The following CTNNA3 variants were observed in gnomAD, a reference collection of about 807,000 sequenced individuals.
The protein encoded by CTNNA3 is catenin alpha 3.
Under a neutral mutation model 95.7 loss-of-function variants are expected in CTNNA3, and 76 were observed. That is an observed-to-expected ratio of 0.79 (90% CI 0.66 to 0.96). The LOEUF (loss-of-function observed/expected upper bound fraction) is 0.96. Among genes scored for constraint, CTNNA3 ranks in the 40% least tolerant of loss-of-function variants. The probability of loss-of-function intolerance (pLI) is 0.00; values close to 1 mark genes in which losing one functional copy is unlikely to be tolerated. For missense variants in CTNNA3, 1,191 were observed against 1,089.8 expected (o/e 1.09, Z -1.31); for synonymous variants, 431 against 374.4 (o/e 1.15, Z -1.74).
chr10:66,571,525 C>G (rs911111462), intron 10 of CTNNA3, among the ~76,000 whole-genome samples: 1 of 152,118 alleles, frequency 6.6e-6, no homozygotes, highest in East Asian at 1.9e-4. Flanking sequence ...AGTTATGGAC[C>G]TCTGACTCAT....
chr10:66,450,038 T>C (rs1261092441), intron 11 of CTNNA3, among the ~76,000 whole-genome samples: 2 of 152,050 alleles, frequency 1.3e-5, no homozygotes, highest in African/African-American at 4.8e-5. Flanking sequence ...GTTTCAATAA[T>C]TATTTTTTTA....
At chr10:67,466,802 T>C (rs1847611171) in intron 5 of CTNNA3, among the ~76,000 whole-genome samples, 1 of 152,222 alleles carries the variant, frequency 6.6e-6, no homozygotes, top group Non-Finnish European at 1.5e-5. Context: ...TTGTACCACT[T>C]TCCCACTGAT....
At chr10:67,635,000 AATAT>A (rs1839258944) in intron 2 of CTNNA3, among the ~76,000 whole-genome samples, 1 of 152,130 alleles carries the variant, frequency 6.6e-6, no homozygotes, top group Non-Finnish European at 1.5e-5. Context: ...AAAACAACAG[AATAT>A]ATATTCTTCT....
At chr10:67,108,203 A>G (rs1341205421) in intron 7 of CTNNA3, among the ~76,000 whole-genome samples, 1 of 152,214 alleles carries the variant, frequency 6.6e-6, no homozygotes, top group Non-Finnish European at 1.5e-5. Context: ...AAAAGTATAA[A>G]TAATTGTCAG....
At chr10:66,968,882 T>C (rs982137062) in intron 7 of CTNNA3, among the ~76,000 whole-genome samples, 1 of 151,904 alleles carries the variant, frequency 6.6e-6, no homozygotes, top group Admixed American at 6.6e-5. Flanking sequence ...CTGGGTGTGG[T>C]GGCATGTGCC....
chr10:67,171,053 TG>T (rs1420811561), intron 7 of CTNNA3, among the ~76,000 whole-genome samples: 1 of 152,238 alleles, frequency 6.6e-6, no homozygotes, highest in African/African-American at 2.4e-5. Context: ...TTTTACTGTA[TG>T]TAGCTACTAG....
At chr10:66,102,199 C>T (rs2081661913) in intron 14 of CTNNA3, among the ~76,000 whole-genome samples, 1 of 152,042 alleles carries the variant, frequency 6.6e-6, no homozygotes, top group African/African-American at 2.4e-5. Flanking sequence ...AATTTTATGT[C>T]ACCGAATTTA....
At chr10:66,237,831 C>A (rs945531116) in intron 13 of CTNNA3, among the ~76,000 whole-genome samples, 1 of 152,010 alleles carries the variant, frequency 6.6e-6, no homozygotes, top group Non-Finnish European at 1.5e-5. Flanking sequence ...CATATCAATG[C>A]TTTGATACTT....
At chr10:66,806,566 A>G (rs2132250486) in intron 7 of CTNNA3, among the ~76,000 whole-genome samples, 1 of 152,102 alleles carries the variant, frequency 6.6e-6, no homozygotes, top group East Asian at 1.9e-4. Context: ...AAAGTGGGTG[A>G]AGGGACCCAA....
chr10:66,437,705 A>G (rs1348470613), intron 11 of CTNNA3, among the ~76,000 whole-genome samples: 1 of 152,106 alleles, frequency 6.6e-6, no homozygotes, highest in Non-Finnish European at 1.5e-5. Context: ...ACTTCTGTCA[A>G]TTCATCAAAC....
At chr10:66,757,829 T>C (rs1400202747) in intron 9 of CTNNA3, among the ~76,000 whole-genome samples, 1 of 152,200 alleles carries the variant, frequency 6.6e-6, no homozygotes, top group African/African-American at 2.4e-5. Context: ...AGCTGATATC[T>C]ACTTTTCCAT....
At chr10:66,885,468 C>T (rs1845009049) in intron 7 of CTNNA3, among the ~76,000 whole-genome samples, 1 of 152,106 alleles carries the variant, frequency 6.6e-6, no homozygotes, top group Non-Finnish European at 1.5e-5. Flanking sequence ...ATTCGCTCTT[C>T]CTTATTTAGG....
intron 14 of CTNNA3, among the ~76,000 whole-genome samples, chr10:66,077,031 C>T (rs917998997): frequency 6.6e-6 from 1 of 151,608 alleles, no homozygotes; most frequent in Non-Finnish European, 1.5e-5. Flanking sequence ...ACGAAGGAAT[C>T]TGTGTATAAA....
chr10:66,849,336 A>T (rs1376231429), intron 7 of CTNNA3, among the ~76,000 whole-genome samples: 1 of 152,210 alleles, frequency 6.6e-6, no homozygotes, highest in African/African-American at 2.4e-5. Flanking sequence ...ATAATATGGT[A>T]GTCAAATCGT....
intron 12 of CTNNA3, among the ~76,000 whole-genome samples, chr10:66,302,877 A>C (rs2091882820): frequency 6.6e-6 from 1 of 152,166 alleles, no homozygotes; most frequent in Admixed American, 6.5e-5. Context: ...TCCATGCCCA[A>C]ATTAGATCCA....
intron 16 of CTNNA3, among the ~76,000 whole-genome samples, chr10:65,967,550 G>C (rs528154628): frequency 6.6e-6 from 1 of 152,112 alleles, no homozygotes; most frequent in East Asian, 1.9e-4. Flanking sequence ...GTACTTAGCT[G>C]TTACAGACAA....
At chr10:67,517,687 C>A (rs1275284057) in intron 5 of CTNNA3, among the ~76,000 whole-genome samples, 1 of 152,110 alleles carries the variant, frequency 6.6e-6, no homozygotes, top group Non-Finnish European at 1.5e-5. Context: ...TAGTACAAGT[C>A]CTCAGTACTT....
chr10:66,148,418 C>G (rs2133899114), intron 13 of CTNNA3, among the ~76,000 whole-genome samples: 2 of 152,060 alleles, frequency 1.3e-5, no homozygotes, highest in South Asian at 4.2e-4. Flanking sequence ...GAAATCTAAT[C>G]CCCATGGTGT....
intron 13 of CTNNA3, among the ~76,000 whole-genome samples, chr10:66,111,375 C>T (rs2082113827): frequency 6.6e-6 from 1 of 152,072 alleles, no homozygotes; most frequent in Non-Finnish European, 1.5e-5. Context: ...TTATAAATTA[C>T]CCAGTCTTAG....
Sources: gnomAD v4.1 joint callset for allele counts (sites outside exome capture counted in the v4.1 genomes callset) on GRCh38, gnomAD v4.1.1 for gene constraint, MANE v1.5 for transcripts, NCBI Gene and HGNC (gene_info 2026-07-23, HGNC 2026-07-21) for gene names.